ADIPOR1: variants seen among roughly 807,000 people sequenced by gnomAD.
ADIPOR1 encodes adiponectin receptor protein 1.
Under a neutral mutation model 37.5 loss-of-function variants are expected in ADIPOR1, and 15 were observed. The observed-to-expected ratio is 0.40, with a 90% CI of 0.27 to 0.62. The LOEUF (loss-of-function observed/expected upper bound fraction) is 0.62. ADIPOR1 is among the 20% of genes least tolerant of loss of function. The probability of loss-of-function intolerance (pLI) is 0.42; values close to 1 mark genes in which losing one functional copy is unlikely to be tolerated. For synonymous variants in ADIPOR1, 173 were observed against 173.2 expected (o/e 1.00, Z 0.01); for missense variants, 286 against 478.0 (o/e 0.60, Z 3.75).
intron 4 of ADIPOR1, among the ~76,000 whole-genome samples, chr1:202,945,877 TA>T (rs1385563266): frequency 2.0e-5 from 3 of 151,562 alleles, no homozygotes; most frequent in South Asian, 2.1e-4. Flanking sequence ...GAGGGGGAGA[TA>T]GGGGTGTGAG....
chr1:202,947,522 A>AAAT (rs1553243095), intron 3 of ADIPOR1, among the ~76,000 whole-genome samples: 2 of 150,782 alleles, frequency 1.3e-5, no homozygotes, highest in Admixed American at 1.3e-4. Context: ...GTCTCAAAAA[A>AAAT]ATATATATAT....
chr1:202,943,515 T>A (rs971125348), intron 6 of ADIPOR1, among the ~76,000 whole-genome samples: 1 of 152,204 alleles, frequency 6.6e-6, no homozygotes, highest in Non-Finnish European at 1.5e-5. Context: ...AGTAGCTACA[T>A]CTGTGCTTGC....
intron 2 of ADIPOR1, among the ~76,000 whole-genome samples, chr1:202,950,085 C>T (rs1654506118): frequency 6.6e-6 from 1 of 152,048 alleles, no homozygotes; most frequent in Admixed American, 6.5e-5. Flanking sequence ...GCCTCAGCCT[C>T]CCGAGTAGCT....
chr1:202,941,027 T>C lies in ADIPOR1; in HGVS notation c.*546A>G, dbSNP rs1654059444. On this transcript the variant is annotated 3_prime_UTR_variant, in exon 8 of 8. Transcript: ENST00000340990. The stretch of plus-strand genomic sequence containing the variant: ...CAAGTTACTTGAAGCCTGGACACAC[T>C]TCCATGATTAGCCGGGCTAGGTAAA... The C allele has an allele frequency of 6.6e-6, 1 of 152,610 alleles. No individual in the cohort carries two copies. The highest frequency in any genetic ancestry group is 1.5e-5 in the Non-Finnish European group (1 of 68,036). The allele number at this position is 152,610 out of a possible 1,614,324, so 9.5% of individuals were successfully genotyped here.
At chr1:202,947,048 G>A (rs970675048) in intron 3 of ADIPOR1, among the ~76,000 whole-genome samples, 8 of 151,440 alleles carry the variant, frequency 5.3e-5, no homozygotes, top group African/African-American at 1.5e-4. Flanking sequence ...CCTGGCGGGC[G>A]GGGGTTGCAG....
chr1:202,946,500 A>T lies in ADIPOR1; in HGVS notation c.369T>A (p.Ala123=), dbSNP rs1365909243. Residue 123 remains alanine, a synonymous_variant, in exon 4 of 8, where the codon GCT becomes GCA. Coordinates refer to ENST00000340990, the MANE Select transcript of ADIPOR1 (RefSeq NM_015999.6). ...GHRPPMPSFR[A]CFKSIFRIHT... is the part of the protein sequence containing the mutation. ...GAATGCGGAAGATGCTCTTGAAGCAAGCCCGAAAGGAGGGCATGGGAGGTC... is the reference window on the plus strand; with the variant it reads ...GAATGCGGAAGATGCTCTTGAAGCATGCCCGAAAGGAGGGCATGGGAGGTC... 2 of 1,614,140 alleles carry T rather than the reference A, an allele frequency of 1.2e-6. No individual in the cohort carries two copies. Among genetic ancestry groups the T allele is most frequent in the East Asian group, 4.5e-5 (2 of 44,876 alleles).
chr1:202,957,465 A>AG (rs975795472), intron 1 of ADIPOR1, among the ~76,000 whole-genome samples: 122 of 147,226 alleles, frequency 8.3e-4, no homozygotes, highest in African/African-American at 2.3e-3. Context: ...CCAGAAACTG[A>AG]GGGAAAAAAA....
At chr1:202,956,900 CAA>C (rs2102497230) in intron 1 of ADIPOR1, among the ~76,000 whole-genome samples, 1 of 152,128 alleles carries the variant, frequency 6.6e-6, no homozygotes, top group East Asian at 1.9e-4. Context: ...TACCTGCAGG[CAA>C]AGTCTTGACC....
chr1:202,952,735 T>C (rs768646787), intron 1 of ADIPOR1, among the ~76,000 whole-genome samples: 6 of 152,188 alleles, frequency 3.9e-5, no homozygotes, highest in Non-Finnish European at 7.3e-5. Flanking sequence ...TGAGATGGCA[T>C]AGTGTGGGAC....
In ADIPOR1 at chr1:202,942,299, A is replaced by G. The variant is rs115460336; in HGVS notation, c.806-81T>C. 2.5e-4 allele frequency: 340 copies of G among 1,347,732 alleles called. 2 individuals are homozygous for G. The African/African-American group carries it at 4.4e-3, about 17-fold the overall frequency. 83.5% of individuals were successfully genotyped at this position (1,347,732 alleles called of 1,614,324 possible). ...CACTGCTGTCTTACTCTGGAATTTC[A>G]ATGTTTATGATAATTAGCTATTTTT... On this transcript the variant is annotated intron_variant, in intron 6 of 7. Coordinates refer to ENST00000340990, the MANE Select transcript of ADIPOR1 (RefSeq NM_015999.6).
chr1:202,953,263 C>T (rs10800886), intron 1 of ADIPOR1, among the ~76,000 whole-genome samples: 45,474 of 149,916 alleles, frequency 0.3, 7,115 homozygotes, highest in African/African-American at 0.37. Context: ...CAAAAAACAA[C>T]TTTATATCAC....
intron 1 of ADIPOR1, among the ~76,000 whole-genome samples, chr1:202,954,999 T>C (rs1199694928): frequency 3.3e-5 from 5 of 152,120 alleles, no homozygotes; most frequent in Admixed American, 3.3e-4. Flanking sequence ...GCAAGACCAG[T>C]CTAGCAGTAT....
intron 1 of ADIPOR1, among the ~76,000 whole-genome samples, chr1:202,957,684 C>T (rs977097020): frequency 3.3e-5 from 5 of 152,190 alleles, no homozygotes; most frequent in Admixed American, 1.3e-4. Flanking sequence ...AAAGTGAGGG[C>T]ACTGTCAGGA....
chr1:202,953,940 G>A (rs141055421), intron 1 of ADIPOR1, among the ~76,000 whole-genome samples: 2 of 152,248 alleles, frequency 1.3e-5, no homozygotes, highest in Non-Finnish European at 2.9e-5. Context: ...GGGCAATTAG[G>A]GTCCAAAGAT....
chr1:202,948,316 C>T lies in ADIPOR1; in HGVS notation c.246G>A (p.Glu82=), dbSNP rs759271327. ...TCATAGGCCATACCTTGTACACAAACTCTTCCATCTTCTCCATGGCGTGGT... is the reference window on the plus strand; with the variant it reads ...TCATAGGCCATACCTTGTACACAAATTCTTCCATCTTCTCCATGGCGTGGT... ...QAHHAMEKME[E]FVYKVWEGRW... is the part of the protein sequence containing the mutation. Residue 82 remains glutamate (E), a synonymous_variant, in exon 3 of 8, where the codon GAG becomes GAA. Coordinates refer to ENST00000340990, the MANE Select transcript of ADIPOR1 (RefSeq NM_015999.6). 2.5e-6 allele frequency: 4 copies of T among 1,610,494 alleles called. No homozygotes were observed. Among genetic ancestry groups the T allele is most frequent in the Middle Eastern group, 1.7e-4 (1 of 6,030 alleles).
chr1:202,941,447 G>T lies in ADIPOR1; in HGVS notation c.*126C>A. 1 of 1,200,002 alleles carries T rather than the reference G, an allele frequency of 8.3e-7. No homozygotes were observed. The highest frequency in any genetic ancestry group is 1.1e-6 in the Non-Finnish European group (1 of 878,192). The allele number at this position is 1,200,002 out of a possible 1,614,324, so 74.3% of individuals were successfully genotyped here. A position where few individuals can be genotyped will look rare whatever the true frequency, so the allele number is the denominator to read the frequency against. Reference sequence around the variant, plus strand: ...TGTGAAAGTGGGCTGAAGCTTGGTTGGTACTGAATTCTCTAAGAGGTTTCT... The same window carrying T: ...TGTGAAAGTGGGCTGAAGCTTGGTTTGTACTGAATTCTCTAAGAGGTTTCT... On this transcript the variant is annotated 3_prime_UTR_variant, in exon 8 of 8. Coordinates refer to ENST00000340990, the MANE Select transcript of ADIPOR1 (RefSeq NM_015999.6).
chr1:202,956,685 A>G (rs1176563979), intron 1 of ADIPOR1, among the ~76,000 whole-genome samples: 1 of 152,218 alleles, frequency 6.6e-6, no homozygotes, highest in Non-Finnish European at 1.5e-5. Flanking sequence ...AGGAGGGTAT[A>G]TGGTGTGAAC....
At chr1:202,943,378 T>C (rs552634884) in intron 6 of ADIPOR1, among the ~76,000 whole-genome samples, 13 of 152,354 alleles carry the variant, frequency 8.5e-5, no homozygotes, top group South Asian at 8.3e-4. Context: ...CCAAACCAGG[T>C]ATTCCATTCC....
chr1:202,948,372 C>T lies in ADIPOR1; in HGVS notation c.190G>A (p.Val64Met), dbSNP rs1654418340. 6.2e-7 allele frequency: 1 copy of T among 1,613,876 alleles called. No homozygotes were observed. The highest frequency in any genetic ancestry group is 1.3e-5 in the African/African-American group (1 of 74,878). Residue 64 changes from valine (V) to methionine (M), a missense_variant, in exon 3 of 8, where the codon GTG (valine) becomes ATG (methionine). Coordinates refer to ENST00000340990, the MANE Select transcript of ADIPOR1 (RefSeq NM_015999.6). ...CPVPQEEEEE[V>M]RVLTLPLQAH... is the part of the protein sequence containing the mutation. Reference sequence around the variant, plus strand: ...TGCAGGGGAAGTGTCAGTACCCGCACCTCCTCCTCTTCTTCCTGGGGCACT... The same window carrying T: ...TGCAGGGGAAGTGTCAGTACCCGCATCTCCTCCTCTTCTTCCTGGGGCACT...
Sources: allele counts gnomAD v4.1 joint callset (sites outside exome capture counted in the v4.1 genomes callset), GRCh38; gene constraint gnomAD v4.1.1; transcripts MANE v1.5; gene names NCBI Gene and HGNC (gene_info 2026-07-23, HGNC 2026-07-21).